Variants in TMEM54 observed in about 807,000 individuals in gnomAD.
TMEM54 encodes transmembrane protein 54.
Under a neutral mutation model 21.3 loss-of-function variants are expected in TMEM54, and 21 were observed. The ratio of observed to expected loss-of-function variants is 0.99; its 90% CI spans 0.70 to 1.42. TMEM54 has a LOEUF of 1.42. TMEM54 is among the 40% of genes most tolerant of loss of function. The pLI, the probability that TMEM54 is intolerant of heterozygous loss-of-function variation, is 0.00. For missense variants in TMEM54, 246 were observed against 294.0 expected, an observed-to-expected ratio of 0.84 and a Z score of 1.19; for synonymous variants, 109 against 125.0, an observed-to-expected ratio of 0.87 and a Z score of 0.86.
In TMEM54 at chr1:32,895,969, C is replaced by T. The variant is rs1461507787; in HGVS notation, c.211G>A (p.Val71Ile). The change falls in exon 3 of 6, where the codon GTC (valine) becomes ATC (isoleucine). Residue 71 changes from valine (V) to isoleucine (I), a missense_variant and splice_region_variant. Transcript: ENST00000373463. This position sits in a 1 kb window ranked among gnomAD's most constrained non-coding sequence, Gnocchi z 5.8. ...ATGGCTGCGATGCCTGAAGTGATGA[C>T]CTGTAGGGAAGGCTCAAGTCAGCCC... is the stretch of plus-strand genomic sequence containing the variant. Reference protein sequence around the residue: ...NILSVTSAIVVITSGIAAIVL... With the variant: ...NILSVTSAIVIITSGIAAIVL... The T allele has an allele frequency of 1.1e-5, 17 of 1,612,742 alleles. No individual in the cohort carries two copies. In the East Asian group the frequency reaches 1.6e-4, roughly 15 times the overall value.
At position 32,896,030 on chromosome 1, in the gene TMEM54, C is replaced by A. The variant is rs1641592022; in HGVS notation, c.211-61G>T. 1.3e-6 allele frequency: 2 copies of A among 1,560,304 alleles called. No homozygotes were observed. The highest frequency in any genetic ancestry group is 1.7e-4 in the Middle Eastern group (1 of 5,838). ...GCTGGAGGAACAGGGGCAGGGGGAT[C>A]AGGGCCACTCTGGGATAATGATCTC... is the stretch of plus-strand genomic sequence containing the variant. On this transcript the variant is annotated intron_variant, in intron 2 of 5. Transcript: ENST00000373463. The surrounding 1 kb of genome is among the most constrained non-coding windows in gnomAD (Gnocchi z 4.1).
chr1:32,895,175 C>G lies in TMEM54; in HGVS notation c.594+130G>C. On this transcript the variant is annotated intron_variant, in intron 5 of 5. Coordinates refer to ENST00000373463, the MANE Select transcript of TMEM54 (RefSeq NM_033504.4). The surrounding 1 kb of genome is among the most constrained non-coding windows in gnomAD (Gnocchi z 5.8). ...CAGCCTCCAGGCCTCTCCCTTTGCT[C>G]CTGGGGAGAAAACTTCTGCCCCATT... 1.5e-6 allele frequency: 2 copies of G among 1,357,818 alleles called. No individual in the cohort carries two copies. Among genetic ancestry groups the G allele is most frequent in the Non-Finnish European group, 2.0e-6 (2 of 1,013,826 alleles). 84.1% of individuals were successfully genotyped at this position (1,357,818 alleles called of 1,614,324 possible).
chr1:32,897,999 G>T lies in TMEM54; in HGVS notation c.210+127C>A. ...TGAGTGACTTGGGCAGTTGGTAAGT[G>T]GCAGACAAAGGGTTAGTCCTTGAGG... On this transcript the variant is annotated intron_variant, in intron 2 of 5. Coordinates refer to ENST00000373463, the MANE Select transcript of TMEM54 (RefSeq NM_033504.4). This position sits in a 1 kb window ranked among gnomAD's most constrained non-coding sequence, Gnocchi z 4.9. 1 of 819,424 alleles carries T rather than the reference G, an allele frequency of 1.2e-6. No individual in the cohort carries two copies. The highest frequency in any genetic ancestry group is 1.9e-6 in the Non-Finnish European group (1 of 523,448). 50.8% of individuals were successfully genotyped at this position (819,424 alleles called of 1,614,324 possible).
chr1:32,896,405 T>C lies in TMEM54; in HGVS notation c.211-436A>G, dbSNP rs1433718294. On this transcript the variant is annotated intron_variant, in intron 2 of 5. Transcript: ENST00000373463. The surrounding 1 kb of genome is among the most constrained non-coding windows in gnomAD (Gnocchi z 4.1). The stretch of plus-strand genomic sequence containing the variant: ...GTAGAATTTTAAATCTCTGGGAGTA[T>C]TTTCAATGATTCCAGGCTCTCAGTG... 6.4e-6 allele frequency: 1 copy of C among 155,220 alleles called. No homozygotes were observed. Among genetic ancestry groups the C allele is most frequent in the African/African-American group, 2.4e-5 (1 of 41,518 alleles). The allele number at this position is 155,220 out of a possible 1,614,324, so 9.6% of individuals were successfully genotyped here.
At position 32,897,183 on chromosome 1, in the gene TMEM54, C is replaced by G. The variant is rs1016938018; in HGVS notation, c.210+943G>C. The stretch of plus-strand genomic sequence containing the variant: ...CACATCCGCCCATCCCAGCCCTGTC[C>G]CACCAACAGAGCCTCTCTTTCTTGC... On this transcript the variant is annotated intron_variant, in intron 2 of 5. Transcript: ENST00000373463. The surrounding 1 kb of genome is among the most constrained non-coding windows in gnomAD (Gnocchi z 4.9). 9.9e-5 allele frequency among the ~76,000 whole-genome samples: 15 copies of G among 152,200 alleles called. No individual in the cohort carries two copies. The highest frequency in any genetic ancestry group is 2.9e-5 in the Non-Finnish European group (2 of 68,036).
At chr1:32,894,983 G>T (rs2124037987) in intron 5 of TMEM54, 104 bp from the exon 6 acceptor site, 4 of 1,509,098 alleles carry the variant, frequency 2.7e-6, no homozygotes, top group Non-Finnish European at 3.6e-6. Context: ...AAGGCTCTCT[G>T]GGGGCAAAGG....
At chr1:32,900,373 G>C (rs1359414076) in intron 1 of TMEM54, among the ~76,000 whole-genome samples, 1 of 152,084 alleles carries the variant, frequency 6.6e-6, no homozygotes, top group East Asian at 1.9e-4. Flanking sequence ...CTGAGTAGCC[G>C]GGCTAAATTT....
At position 32,898,179 on chromosome 1, in the gene TMEM54, C is replaced by A; in HGVS notation, c.157G>T (p.Val53Leu). The A allele has an allele frequency of 6.2e-7, 1 of 1,612,100 alleles. No homozygotes were observed. Among genetic ancestry groups the A allele is most frequent in the Non-Finnish European group, 8.5e-7 (1 of 1,178,356 alleles). ...TTGACCACGCAGTACTGCAGAGCCACCGCATCTTGAGGGGTGCCCACGTAG... is the reference window on the plus strand; with the variant it reads ...TTGACCACGCAGTACTGCAGAGCCAACGCATCTTGAGGGGTGCCCACGTAG... Reference protein sequence around the residue: ...LRYVGTPQDAVALQYCVVNIL... With the variant: ...LRYVGTPQDALALQYCVVNIL... The change falls in exon 2 of 6, where the codon GTG becomes TTG. Residue 53 changes from valine (V) to leucine (L), a missense_variant. Transcript: ENST00000373463.
chr1:32,896,330 G>A lies in TMEM54; in HGVS notation c.211-361C>T. 5.3e-6 allele frequency: 1 copy of A among 189,180 alleles called. No homozygotes were observed. The highest frequency in any genetic ancestry group is 1.3e-4 in the East Asian group (1 of 7,730). The allele number at this position is 189,180 out of a possible 1,614,324, so 11.7% of individuals were successfully genotyped here. On this transcript the variant is annotated intron_variant, in intron 2 of 5. Transcript: ENST00000373463. The surrounding 1 kb of genome is among the most constrained non-coding windows in gnomAD (Gnocchi z 4.1). The stretch of plus-strand genomic sequence containing the variant: ...GGAAGAAACTAACCCAGTTAGCAAG[G>A]AACTAAAATCAAAATTGTTACATTG...
At position 32,897,493 on chromosome 1, in the gene TMEM54, T is replaced by G. The variant is rs1279575030; in HGVS notation, c.210+633A>C. Among the ~76,000 whole-genome samples the G allele has an allele frequency of 6.6e-6, 1 of 152,208 alleles. No homozygotes were observed. The highest frequency in any genetic ancestry group is 1.5e-5 in the Non-Finnish European group (1 of 68,034). ...TGGTCACAACCGTGGCTACCATTCA[T>G]TGAGCAGTTGCTACAGACCGGGCCT... On this transcript the variant is annotated intron_variant, in intron 2 of 5. Coordinates refer to ENST00000373463, the MANE Select transcript of TMEM54 (RefSeq NM_033504.4). The surrounding 1 kb of genome is among the most constrained non-coding windows in gnomAD (Gnocchi z 4.9).
At chr1:32,898,389 C>T in intron 1 of TMEM54, 70 bp from the exon 2 acceptor site, 3 of 1,453,088 alleles carry the variant, frequency 2.1e-6, no homozygotes, top group Non-Finnish European at 2.8e-6. Context: ...AAGCTGAGGC[C>T]CTGGCCCTAG....
In TMEM54 at chr1:32,894,793, G is replaced by A. The variant is rs757899001; in HGVS notation, c.*12C>T. On this transcript the variant is annotated 3_prime_UTR_variant, in exon 6 of 6. Transcript: ENST00000373463. Reference sequence around the variant, plus strand: ...TCCTAGTGGCCATCGGGCCTGGGCAGGACATCATCTCTCAGAGGGTCAGAG... The same window carrying A: ...TCCTAGTGGCCATCGGGCCTGGGCAAGACATCATCTCTCAGAGGGTCAGAG... 6.2e-7 allele frequency: 1 copy of A among 1,607,940 alleles called. No individual in the cohort carries two copies. The highest frequency in any genetic ancestry group is 1.7e-5 in the Admixed American group (1 of 59,882).
At position 32,894,824 on chromosome 1, in the gene TMEM54, G is replaced by T; in HGVS notation, c.650C>A (p.Ser217Tyr). The change falls in exon 6 of 6, where the codon TCT (serine) becomes TAT (tyrosine). Residue 217 changes from serine (S) to tyrosine (Y), a missense_variant. Ser to Tyr is a moderately radical substitution (Grantham distance 144). Transcript: ENST00000373463. Reference sequence around the variant, plus strand: ...CATCTCTCAGAGGGTCAGAGGCTCAGAGCTGGTGCAGCTCAGCAGGTCACG... The same window carrying T: ...CATCTCTCAGAGGGTCAGAGGCTCATAGCTGGTGCAGCTCAGCAGGTCACG... ...EGRDLLSCTS[S>Y]EPLTL The T allele has an allele frequency of 6.2e-7, 1 of 1,611,832 alleles. No homozygotes were observed. The highest frequency in any genetic ancestry group is 2.2e-5 in the East Asian group (1 of 44,790).
In TMEM54 at chr1:32,901,306, C is replaced by A; in HGVS notation, c.-68G>T. The A allele has an allele frequency of 8.0e-7, 1 of 1,249,508 alleles. No individual in the cohort carries two copies. The highest frequency in any genetic ancestry group is 1.0e-6 in the Non-Finnish European group (1 of 992,658). 77.4% of individuals were successfully genotyped at this position (1,249,508 alleles called of 1,614,324 possible). On this transcript the variant is annotated 5_prime_UTR_variant, in exon 1 of 6. Transcript: ENST00000373463. This position sits in a 1 kb window ranked among gnomAD's most constrained non-coding sequence, Gnocchi z 4.2. ...CCGAGGCTGCGGGCCGCCGGGGGAC[C>A]CTGCTCCCATCCCGCTGGCCCGTCG...
rs535164440 is a variant in TMEM54 at position 32,898,806 on chromosome 1, G to C, written c.17-487C>G. Among the ~76,000 whole-genome samples, 3 of 152,332 alleles carry C rather than the reference G, an allele frequency of 2.0e-5. No homozygotes were observed. The South Asian group carries it at 6.2e-4, about 32-fold the overall frequency. ...GCCCTGCTTGGTACTCAGATTCACG[G>C]ATAGGGCCTGGTACACAGCAGATGC... On this transcript the variant is annotated intron_variant, in intron 1 of 5. Coordinates refer to ENST00000373463, the MANE Select transcript of TMEM54 (RefSeq NM_033504.4).
In TMEM54 at chr1:32,895,952, G is replaced by C. The variant is rs116878451; in HGVS notation, c.228C>G (p.Ile76Met). 1 of 1,613,362 alleles carries C rather than the reference G, an allele frequency of 6.2e-7. No homozygotes were observed. Among genetic ancestry groups the C allele is most frequent in the Non-Finnish European group, 8.5e-7 (1 of 1,179,700 alleles). The change falls in exon 3 of 6, where the codon ATC (isoleucine) becomes ATG (methionine). Residue 76 changes from isoleucine to methionine, a missense_variant. Ile to Met is a conservative substitution (Grantham distance 10, BLOSUM62 1). Coordinates refer to ENST00000373463, the MANE Select transcript of TMEM54 (RefSeq NM_033504.4). This position sits in a 1 kb window ranked among gnomAD's most constrained non-coding sequence, Gnocchi z 5.8. ...GGTAGCGTGACAACACGATGGCTGCGATGCCTGAAGTGATGACCTGTAGGG... is the reference window on the plus strand; with the variant it reads ...GGTAGCGTGACAACACGATGGCTGCCATGCCTGAAGTGATGACCTGTAGGG... ...TSAIVVITSG[I>M]AAIVLSRYLP...
rs555182478 is a variant in TMEM54 at position 32,895,906 on chromosome 1, G to A, written c.270+4C>T. 2.5e-5 allele frequency: 41 copies of A among 1,612,296 alleles called. No individual in the cohort carries two copies. Among genetic ancestry groups the A allele is most frequent in the Middle Eastern group, 1.7e-4 (1 of 6,054 alleles). On this transcript the variant is annotated splice_donor_region_variant and intron_variant, in intron 3 of 5. Coordinates refer to ENST00000373463, the MANE Select transcript of TMEM54 (RefSeq NM_033504.4). The surrounding 1 kb of genome is among the most constrained non-coding windows in gnomAD (Gnocchi z 5.8). The stretch of plus-strand genomic sequence containing the variant: ...ACAGCCCCATCCCAGGAGGCACCAC[G>A]TACCAGGGGGGTGCTAGGGAGGTAG...
At position 32,897,468 on chromosome 1, in the gene TMEM54, T is replaced by C. The variant is rs1641627591; in HGVS notation, c.210+658A>G. Among the ~76,000 whole-genome samples, 1 of 152,220 alleles carries C rather than the reference T, an allele frequency of 6.6e-6. No homozygotes were observed. Among genetic ancestry groups the C allele is most frequent in the African/African-American group, 2.4e-5 (1 of 41,456 alleles). On this transcript the variant is annotated intron_variant, in intron 2 of 5. Transcript: ENST00000373463. This position sits in a 1 kb window ranked among gnomAD's most constrained non-coding sequence, Gnocchi z 4.9. ...TGCTAGTCAAACAGGTACTGATATC[T>C]GGTCACAACCGTGGCTACCATTCAT...
chr1:32,898,179 C>T lies in TMEM54; in HGVS notation c.157G>A (p.Val53Met). The T allele has an allele frequency of 6.2e-7, 1 of 1,612,100 alleles. No individual in the cohort carries two copies. The highest frequency in any genetic ancestry group is 8.5e-7 in the Non-Finnish European group (1 of 1,178,356). ...TTGACCACGCAGTACTGCAGAGCCA[C>T]CGCATCTTGAGGGGTGCCCACGTAG... ...LRYVGTPQDAVALQYCVVNIL... is the reference protein window; with the variant it reads ...LRYVGTPQDAMALQYCVVNIL... Residue 53 changes from valine (V) to methionine (M), a missense_variant, in exon 2 of 6, where the codon GTG (valine) becomes ATG (methionine). Transcript: ENST00000373463.
Sources: allele counts gnomAD v4.1 joint callset (sites outside exome capture counted in the v4.1 genomes callset), GRCh38; gene constraint gnomAD v4.1.1; non-coding constraint Gnocchi (gnomAD v3.1); transcripts MANE v1.5; gene names NCBI Gene and HGNC (gene_info 2026-07-23, HGNC 2026-07-21).